Variants in KCNQ2 observed in about 807,000 individuals in gnomAD.
KCNQ2 encodes potassium voltage-gated channel subfamily KQT member 2.
KCNQ2 carries 14 observed loss-of-function variants against 84.8 expected under a neutral mutation model. The ratio of observed to expected loss-of-function variants is 0.17; its 90% CI spans 0.11 to 0.26. KCNQ2 has a LOEUF of 0.26. Among genes scored for constraint, KCNQ2 ranks in the 10% least tolerant of loss-of-function variants. The probability of loss-of-function intolerance (pLI) is 1.00; values close to 1 mark genes in which losing one functional copy is unlikely to be tolerated. For missense variants in KCNQ2, 788 were observed against 1,254.0 expected, an observed-to-expected ratio of 0.63 and a Z score of 5.61; for synonymous variants, 599 against 554.1, an observed-to-expected ratio of 1.08 and a Z score of -1.14.
At position 63,405,284 on chromosome 20, in the gene KCNQ2, CG is replaced by C. The variant is rs2079903650; in HGVS notation, c.*1359del. The stretch of plus-strand genomic sequence containing the variant: ...GGGAGCCCAGGCCCGCCTGCGACGC[CG>C]TCACGCCAAATGCCAGATGCTCCCG... On this transcript the variant is annotated 3_prime_UTR_variant, in exon 17 of 17. Coordinates refer to ENST00000359125, the MANE Select transcript of KCNQ2 (RefSeq NM_172107.4). 2 of 152,252 alleles carry C rather than the reference CG, an allele frequency of 1.3e-5. No homozygotes were observed. Among genetic ancestry groups the C allele is most frequent in the Non-Finnish European group, 2.9e-5 (2 of 68,122 alleles). The allele number at this position is 152,252 out of a possible 1,614,324, so 9.4% of individuals were successfully genotyped here.
At chr20:63,472,060 A>T in intron 1 of KCNQ2, 108 bp downstream of exon 1, 1 of 752,120 alleles carries the variant, frequency 1.3e-6, no homozygotes. Flanking sequence ...ACCCAGACCC[A>T]GGGGCAGGGA....
chr20:63,421,793 A>G (rs2080478664), intron 11 of KCNQ2, among the ~76,000 whole-genome samples: 1 of 152,060 alleles, frequency 6.6e-6, no homozygotes, highest in African/African-American at 2.4e-5. Flanking sequence ...AGACAGCACA[A>G]GTCAGAACCG....
chr20:63,455,451 C>T (rs535706170), intron 1 of KCNQ2, among the ~76,000 whole-genome samples: 1 of 152,292 alleles, frequency 6.6e-6, no homozygotes, highest in South Asian at 2.1e-4. Context: ...CAGCCCAGCC[C>T]CGTGCCCATC....
chr20:63,469,013 A>G (rs889180784), intron 1 of KCNQ2, among the ~76,000 whole-genome samples: 4 of 152,208 alleles, frequency 2.6e-5, no homozygotes, highest in Non-Finnish European at 5.9e-5. Context: ...GCGGGAACAG[A>G]GCGGAGCTCC....
intron 6 of KCNQ2, 90 bp downstream of exon 6, chr20:63,439,508 C>T: frequency 1.0e-6 from 1 of 971,524 alleles, no homozygotes; most frequent in East Asian, 2.4e-5. Flanking sequence ...CAGGTCCCAC[C>T]TAGGGAACTG....
chr20:63,407,298 G>A lies in KCNQ2; in HGVS notation c.1965C>T (p.Thr655=), dbSNP rs755777278. ...MQRMGIPPTE[T]EAYFGAKEPE... The stretch of plus-strand genomic sequence containing the variant: ...GCTCTTTGGCCCCAAAGTAGGCCTC[G>A]GTCTCTGTCGGGGGGATGCCCATCC... Residue 655 remains threonine (T), a synonymous_variant, in exon 17 of 17, where the codon ACC becomes ACT. Transcript: ENST00000359125. The surrounding 1 kb of genome is among the most constrained non-coding windows in gnomAD (Gnocchi z 7.2). 14 of 1,595,416 alleles carry A rather than the reference G, an allele frequency of 8.8e-6. No individual in the cohort carries two copies. The highest frequency in any genetic ancestry group is 6.7e-5 in the East Asian group (3 of 44,738).
chr20:63,407,323 C>T lies in KCNQ2; in HGVS notation c.1940G>A (p.Arg647Gln), dbSNP rs765583552. 3.9e-5 allele frequency: 63 copies of T among 1,596,904 alleles called. No individual in the cohort carries two copies. The highest frequency in any genetic ancestry group is 7.7e-5 in the South Asian group (7 of 90,986). Residue 647 changes from arginine (R) to glutamine (Q), a missense_variant, in exon 17 of 17, where the codon CGG becomes CAG. Arg to Gln is a conservative substitution (Grantham distance 43, BLOSUM62 1). Coordinates refer to ENST00000359125, the MANE Select transcript of KCNQ2 (RefSeq NM_172107.4). This position sits in a 1 kb window ranked among gnomAD's most constrained non-coding sequence, Gnocchi z 7.2. ...LDFLVNIYMQ[R>Q]MGIPPTETEA... is the part of the protein sequence containing the mutation. ...GGTCTCTGTCGGGGGGATGCCCATC[C>T]GCTGCATGTAGATATTCACCAGGAA...
chr20:63,462,219 CT>C (rs2081974635), intron 1 of KCNQ2, among the ~76,000 whole-genome samples: 12 of 139,126 alleles, frequency 8.6e-5, no homozygotes, highest in African/African-American at 2.5e-4. Context: ...AGGGAGGAGG[CT>C]GCATCTACCC....
Position 63,410,587 on chromosome 20 carries a change from G to A in KCNQ2, c.1764-2051C>T, listed in dbSNP as rs540888471. On this transcript the variant is annotated intron_variant, in intron 15 of 16. Coordinates refer to ENST00000359125, the MANE Select transcript of KCNQ2 (RefSeq NM_172107.4). ...GGCATGGGGGACACCACAGAGCAGGGAACCCGGCAAACTCCGTCCGGGGCT... is the reference window on the plus strand; with the variant it reads ...GGCATGGGGGACACCACAGAGCAGGAAACCCGGCAAACTCCGTCCGGGGCT... Among the ~76,000 whole-genome samples the A allele has an allele frequency of 2.1e-3, 318 of 152,260 alleles. 3 individuals carry two copies. The highest frequency in any genetic ancestry group is 7.3e-3 in the African/African-American group (305 of 41,562).
intron 1 of KCNQ2, among the ~76,000 whole-genome samples, chr20:63,469,094 C>T (rs1273935898): frequency 2.0e-5 from 3 of 152,234 alleles, no homozygotes; most frequent in African/African-American, 4.8e-5. Context: ...GAGCAGTGCC[C>T]GGCTCCAGTC....
intron 1 of KCNQ2, among the ~76,000 whole-genome samples, chr20:63,451,925 G>A (rs2081626650): frequency 6.6e-6 from 1 of 152,240 alleles, no homozygotes; most frequent in Admixed American, 6.5e-5. Flanking sequence ...GGGGCACAGG[G>A]TGGTCCTCCC....
chr20:63,454,940 G>A (rs990739192), intron 1 of KCNQ2, among the ~76,000 whole-genome samples: 4 of 152,210 alleles, frequency 2.6e-5, no homozygotes, highest in Non-Finnish European at 5.9e-5. Flanking sequence ...CACAGTGTGG[G>A]TACAGCCCCT....
In KCNQ2 at chr20:63,400,909, G is replaced by C; in HGVS notation, c.*5735C>G. 1 of 398,266 alleles carries C rather than the reference G, an allele frequency of 2.5e-6. No individual in the cohort carries two copies. The highest frequency in any genetic ancestry group is 4.4e-5 in the Admixed American group (1 of 22,734). The allele number at this position is 398,266 out of a possible 1,614,324, so 24.7% of individuals were successfully genotyped here. ...GGCGTCCGTACCTGGCACAGCCAGG[G>C]GGCATGGGGCGACCTCAGGGAGTTC... On this transcript the variant is annotated 3_prime_UTR_variant, in exon 17 of 17. Coordinates refer to ENST00000359125, the MANE Select transcript of KCNQ2 (RefSeq NM_172107.4). This position sits in a 1 kb window ranked among gnomAD's most constrained non-coding sequence, Gnocchi z 8.7.
intron 4 of KCNQ2, among the ~76,000 whole-genome samples, chr20:63,442,960 C>T (rs2081256341): frequency 2.0e-5 from 2 of 100,402 alleles, no homozygotes; most frequent in African/African-American, 4.2e-5. Context: ...TCATCACCAT[C>T]ACCACCACCA....
rs993251032 is a variant in KCNQ2, at chr20:63,415,608, G to A, written c.1302-482C>T. Among the ~76,000 whole-genome samples, 10 of 152,096 alleles carry A rather than the reference G, an allele frequency of 6.6e-5. 1 individual carries two copies. The highest frequency in any genetic ancestry group is 1.9e-4 in the African/African-American group (8 of 41,414). On this transcript the variant is annotated intron_variant, in intron 12 of 16. Transcript: ENST00000359125. ...GCAAGCTCCCCCGGCTGGCTCAGGC[G>A]TGGCCAGAGGTTGGCCATGTGGGGA...
At chr20:63,451,143 A>AC (rs1053463686) in intron 1 of KCNQ2, among the ~76,000 whole-genome samples, 2 of 151,594 alleles carry the variant, frequency 1.3e-5, no homozygotes, top group Admixed American at 6.6e-5. Flanking sequence ...GTCCCAAAAA[A>AC]AAAAAAAAAA....
At chr20:63,448,765 T>A (rs1380536359) in intron 1 of KCNQ2, among the ~76,000 whole-genome samples, 2 of 151,770 alleles carry the variant, frequency 1.3e-5, no homozygotes, top group East Asian at 3.9e-4. Flanking sequence ...CTGGGGGAAG[T>A]CCCTCCAGCC....
At chr20:63,422,469 G>C (rs1007280120) in intron 11 of KCNQ2, 3 of 152,784 alleles carry the variant, frequency 2.0e-5, no homozygotes, top group Non-Finnish European at 4.4e-5. Context: ...GGCGTCCCAG[G>C]AGGAGGGCCG....
intron 5 of KCNQ2, among the ~76,000 whole-genome samples, chr20:63,441,691 G>A (rs1407223697): frequency 1.3e-5 from 2 of 152,134 alleles, no homozygotes; most frequent in African/African-American, 4.8e-5. Context: ...ATGGTCCACA[G>A]CCTGGGCCCC....
Sources: allele counts gnomAD v4.1 joint callset (sites outside exome capture counted in the v4.1 genomes callset), GRCh38; gene constraint gnomAD v4.1.1; non-coding constraint Gnocchi (gnomAD v3.1); transcripts MANE v1.5; gene names NCBI Gene and HGNC (gene_info 2026-07-23, HGNC 2026-07-21).